Variants in ARMC8 observed in about 807,000 individuals in gnomAD.
The protein encoded by ARMC8 is armadillo repeat containing 8.
In ARMC8, 20 loss-of-function variants were observed where a neutral mutation model predicts 99.3. The observed-to-expected ratio is 0.20, with a 90% CI of 0.14 to 0.29. The LOEUF (loss-of-function observed/expected upper bound fraction) is 0.29. Among genes scored for constraint, ARMC8 ranks in the 10% least tolerant of loss-of-function variants. The pLI, the probability that ARMC8 is intolerant of heterozygous loss-of-function variation, is 1.00. For synonymous variants in ARMC8, 263 were observed against 278.3 expected (o/e 0.95, Z 0.55); for missense variants, 569 against 809.5 (o/e 0.70, Z 3.60).
chr3:138,270,179 C>A, intron 16 of ARMC8, 47 bp downstream of exon 16: 1 of 1,338,164 alleles, frequency 7.5e-7, no homozygotes, highest in South Asian at 1.2e-5. Context: ...AGGAATACAG[C>A]TATTGTCTAA....
intron 1 of ARMC8, chr3:138,188,265 TA>T (rs2043187353): frequency 1.5e-6 from 1 of 684,472 alleles, no homozygotes; most frequent in Admixed American, 3.1e-5. Context: ...CTGTGCCTGG[TA>T]TTCCGTTTTT....
intron 1 of ARMC8, chr3:138,188,572 C>T (rs778936584): frequency 1.2e-6 from 2 of 1,612,702 alleles, no homozygotes; most frequent in Non-Finnish European, 1.7e-6. Context: ...TGGAAACAAG[C>T]AGGCAAATAC....
intron 1 of ARMC8, among the ~76,000 whole-genome samples, chr3:138,204,189 G>A (rs1482926383): frequency 6.6e-6 from 1 of 152,038 alleles, no homozygotes; most frequent in Non-Finnish European, 1.5e-5. Flanking sequence ...CGCCTCTGTG[G>A]ATCAAGCGAT....
At chr3:138,267,674 G>A (rs1576876949) in intron 15 of ARMC8, among the ~76,000 whole-genome samples, 1 of 152,146 alleles carries the variant, frequency 6.6e-6, no homozygotes, top group East Asian at 1.9e-4. Context: ...GTTAATGGTA[G>A]TTGTTTGGGG....
At chr3:138,264,277 A>T in intron 14 of ARMC8, 65 bp downstream of exon 14, 1 of 1,253,376 alleles carries the variant, frequency 8.0e-7, no homozygotes, top group Non-Finnish European at 1.2e-6. Context: ...TGAGCTAGCT[A>T]ACACTACTCC....
chr3:138,195,795 G>C (rs2043696756), intron 1 of ARMC8, among the ~76,000 whole-genome samples: 1 of 151,526 alleles, frequency 6.6e-6, no homozygotes, highest in Non-Finnish European at 1.5e-5. Flanking sequence ...AGAAATTAAA[G>C]GTATTGCAAA....
chr3:138,289,213 G>C, intron 20 of ARMC8, 93 bp downstream of exon 20: 1 of 995,168 alleles, frequency 1.0e-6, no homozygotes, highest in Non-Finnish European at 1.5e-6. Context: ...CCTGGGCAGA[G>C]GCTCTGTTCT....
chr3:138,203,609 A>G (rs2044198091), intron 1 of ARMC8, among the ~76,000 whole-genome samples: 1 of 152,206 alleles, frequency 6.6e-6, no homozygotes, highest in Admixed American at 6.5e-5. Flanking sequence ...CTGAAATGGC[A>G]TCTTATTACC....
chr3:138,207,049 A>G (rs1191738505), intron 1 of ARMC8, among the ~76,000 whole-genome samples: 1 of 152,072 alleles, frequency 6.6e-6, no homozygotes, highest in African/African-American at 2.4e-5. Flanking sequence ...GTGCCTCTCT[A>G]TCCTCTGTTC....
chr3:138,216,753 A>G (rs2045067092), intron 2 of ARMC8, among the ~76,000 whole-genome samples: 1 of 152,222 alleles, frequency 6.6e-6, no homozygotes, highest in Non-Finnish European at 1.5e-5. Flanking sequence ...CTCAGATTGT[A>G]GTTTTCAGTA....
chr3:138,279,578 C>T (rs891754521), intron 18 of ARMC8, among the ~76,000 whole-genome samples: 1 of 152,046 alleles, frequency 6.6e-6, no homozygotes, highest in Non-Finnish European at 1.5e-5. Context: ...GAGGTGTTCG[C>T]TCTTCAATTT....
intron 2 of ARMC8, among the ~76,000 whole-genome samples, chr3:138,220,703 T>C (rs1046311594): frequency 6.6e-6 from 1 of 151,450 alleles, no homozygotes; most frequent in Non-Finnish European, 1.5e-5. Context: ...CTTTTTTTTT[T>C]TTTTGAGATG....
intron 16 of ARMC8, among the ~76,000 whole-genome samples, chr3:138,271,862 C>T (rs2048833752): frequency 6.8e-6 from 1 of 146,822 alleles, no homozygotes; most frequent in Non-Finnish European, 1.5e-5. Flanking sequence ...GTGGCATAAT[C>T]TCAGCTCACT....
chr3:138,208,898 C>T (rs2044541332), intron 1 of ARMC8, among the ~76,000 whole-genome samples: 1 of 152,184 alleles, frequency 6.6e-6, no homozygotes, highest in South Asian at 2.1e-4. Context: ...CCTTTGTACT[C>T]TTTCTAATTC....
chr3:138,253,850 C>T (rs547782348), intron 12 of ARMC8, among the ~76,000 whole-genome samples: 16 of 152,290 alleles, frequency 1.1e-4, no homozygotes, highest in Non-Finnish European at 2.1e-4. Context: ...TGTAAAAAGT[C>T]TGTCCACACT....
intron 1 of ARMC8, among the ~76,000 whole-genome samples, chr3:138,204,201 C>T (rs906799325): frequency 6.6e-6 from 1 of 152,106 alleles, no homozygotes; most frequent in Non-Finnish European, 1.5e-5. Context: ...TCAAGCGATT[C>T]TTGTGCCTCA....
At position 138,283,005 on chromosome 3, in the gene ARMC8, G is replaced by A. The variant is rs73867057; in HGVS notation, c.1726-1426G>A. On this transcript the variant is annotated intron_variant, in intron 18 of 21. Coordinates refer to ENST00000469044, the MANE Select transcript of ARMC8 (RefSeq NM_001363941.2). Reference sequence around the variant, plus strand: ...TGACACCTTCTCCAGATCAGATCATGTCTGTCCCACTTCTTGGGCACATAA... The same window carrying A: ...TGACACCTTCTCCAGATCAGATCATATCTGTCCCACTTCTTGGGCACATAA... Among the ~76,000 whole-genome samples the A allele has an allele frequency of 5.2e-3, 789 of 152,312 alleles. 8 individuals are homozygous for A. The highest frequency in any genetic ancestry group is 0.018 in the African/African-American group (758 of 41,560).
chr3:138,204,800 G>A (rs1576605677), intron 1 of ARMC8, among the ~76,000 whole-genome samples: 1 of 152,050 alleles, frequency 6.6e-6, no homozygotes, highest in Non-Finnish European at 1.5e-5. Flanking sequence ...CCAGTCTTGC[G>A]GTATCCAGGA....
At chr3:138,252,600 C>T (rs1258206011) in intron 12 of ARMC8, among the ~76,000 whole-genome samples, 1 of 151,782 alleles carries the variant, frequency 6.6e-6, no homozygotes, top group Non-Finnish European at 1.5e-5. Context: ...ATTACAGGCG[C>T]CCGCCACCAC....
Sources: allele counts gnomAD v4.1 joint callset (sites outside exome capture counted in the v4.1 genomes callset), GRCh38; gene constraint gnomAD v4.1.1; transcripts MANE v1.5; gene names NCBI Gene and HGNC (gene_info 2026-07-23, HGNC 2026-07-21).